CDH20: variants seen among roughly 807,000 people sequenced by gnomAD.
CDH20 encodes cadherin 20.
CDH20 carries 29 observed loss-of-function variants against 74.2 expected under a neutral mutation model. That is an observed-to-expected ratio of 0.39 (90% CI 0.29 to 0.53). The LOEUF (loss-of-function observed/expected upper bound fraction) is 0.53, where lower values mean the gene tolerates loss of function less well. Ranked by LOEUF, CDH20 falls within the 20% of genes least tolerant of loss-of-function variation. The pLI is 0.69. For synonymous variants in CDH20, 469 were observed against 405.4 expected (o/e 1.16, Z -1.88); for missense variants, 988 against 1,048.3 (o/e 0.94, Z 0.79).
chr18:61,441,604 T>C (rs535923467), intron 1 of CDH20, among the ~76,000 whole-genome samples: 1 of 152,328 alleles, frequency 6.6e-6, no homozygotes, highest in African/African-American at 2.4e-5. Flanking sequence ...GTTTTGTGCC[T>C]GTAAAATAGT....
intron 1 of CDH20, among the ~76,000 whole-genome samples, chr18:61,475,383 A>C (rs146515024): frequency 9.8e-4 from 149 of 152,336 alleles, no homozygotes; most frequent in African/African-American, 3.5e-3. Context: ...GAGCAAAGGA[A>C]GCTCTAAATA....
At chr18:61,464,689 T>C (rs72991902) in intron 1 of CDH20, among the ~76,000 whole-genome samples, 2 of 152,258 alleles carry the variant, frequency 1.3e-5, no homozygotes, top group Non-Finnish European at 2.9e-5. Context: ...GAAGTGAATG[T>C]GGGCTGTGAC....
At chr18:61,400,420 C>T (rs1276274554) in intron 1 of CDH20, among the ~76,000 whole-genome samples, 5 of 152,092 alleles carry the variant, frequency 3.3e-5, no homozygotes, top group Non-Finnish European at 1.5e-5. Context: ...AGTTAACTTG[C>T]GAAAGACCTA....
chr18:61,502,669 G>A (rs1004238321), intron 4 of CDH20, among the ~76,000 whole-genome samples: 2 of 152,148 alleles, frequency 1.3e-5, no homozygotes, highest in African/African-American at 4.8e-5. Context: ...TCCCAGATCT[G>A]TAAGAGAAAC....
chr18:61,538,001 G>C (rs932764068), intron 8 of CDH20, among the ~76,000 whole-genome samples: 1 of 152,188 alleles, frequency 6.6e-6, no homozygotes, highest in African/African-American at 2.4e-5. Context: ...CACTACCAGA[G>C]CTGTGAAACT....
intron 1 of CDH20, among the ~76,000 whole-genome samples, chr18:61,394,677 T>C (rs1911904435): frequency 6.6e-6 from 1 of 152,082 alleles, no homozygotes; most frequent in African/African-American, 2.4e-5. Context: ...TTACTGCAGC[T>C]CTAGGAAGGA....
At chr18:61,354,395 G>A (rs532066404) in intron 1 of CDH20, among the ~76,000 whole-genome samples, 1 of 152,180 alleles carries the variant, frequency 6.6e-6, no homozygotes, top group South Asian at 2.1e-4. Flanking sequence ...ATCACCTGAG[G>A]TCGGACATTT....
intron 1 of CDH20, among the ~76,000 whole-genome samples, chr18:61,428,352 G>A (rs1251689060): frequency 2.6e-5 from 4 of 152,242 alleles, no homozygotes; most frequent in Middle Eastern, 3.4e-3. Flanking sequence ...GGCCCCAGAT[G>A]TCTCATGTGT....
intron 1 of CDH20, among the ~76,000 whole-genome samples, chr18:61,347,351 CATAT>C (rs200656806): frequency 1.8e-5 from 2 of 109,644 alleles, no homozygotes; most frequent in African/African-American, 7.1e-5. Context: ...CACACACACA[CATAT>C]ATATATACAC....
At chr18:61,335,090 C>A (rs573925850) in intron 1 of CDH20, among the ~76,000 whole-genome samples, 1 of 152,224 alleles carries the variant, frequency 6.6e-6, no homozygotes, top group South Asian at 2.1e-4. Context: ...TTTGAACCCA[C>A]GCTTATAGAT....
chr18:61,342,352 T>C (rs1254362915), intron 1 of CDH20, among the ~76,000 whole-genome samples: 5 of 152,184 alleles, frequency 3.3e-5, no homozygotes, highest in Non-Finnish European at 7.3e-5. Context: ...AATTCAGTAT[T>C]GTTACCATCT....
intron 2 of CDH20, among the ~76,000 whole-genome samples, chr18:61,493,541 C>T (rs757545177): frequency 6.6e-6 from 1 of 152,198 alleles, no homozygotes; most frequent in South Asian, 2.1e-4. Flanking sequence ...CCCAATCAAG[C>T]TGGACCTCCT....
chr18:61,527,398 G>GATAGATAGATAGATAGAT (rs1912463214), intron 6 of CDH20, among the ~76,000 whole-genome samples: 2 of 147,650 alleles, frequency 1.4e-5, no homozygotes, highest in African/African-American at 5.1e-5. Flanking sequence ...TAGATAGATA[G>GATAGATAGATAGATAGAT]ATAGATAGAT....
At chr18:61,418,806 T>C (rs117715761) in intron 1 of CDH20, among the ~76,000 whole-genome samples, 5,713 of 152,232 alleles carry the variant, frequency 0.038, 156 homozygotes, top group South Asian at 0.074. Context: ...GACTCACCCT[T>C]AGTCCTACTT....
intron 1 of CDH20, among the ~76,000 whole-genome samples, chr18:61,335,431 G>A (rs575276811): frequency 6.6e-6 from 1 of 152,302 alleles, no homozygotes; most frequent in East Asian, 1.9e-4. Flanking sequence ...GAGTTAAGCT[G>A]AGTGCAGGAG....
intron 9 of CDH20, among the ~76,000 whole-genome samples, chr18:61,540,960 T>A (rs1913014159): frequency 6.6e-6 from 1 of 152,202 alleles, no homozygotes. Context: ...TCTATAGCCC[T>A]CCTAAAAGAT....
intron 1 of CDH20, among the ~76,000 whole-genome samples, chr18:61,468,957 A>C (rs958058069): frequency 3.9e-5 from 6 of 152,280 alleles, no homozygotes; most frequent in Admixed American, 6.5e-5. Context: ...CACAAATCTC[A>C]ACAAATCCCT....
intron 1 of CDH20, among the ~76,000 whole-genome samples, chr18:61,417,565 C>T (rs1014131190): frequency 1.9e-4 from 16 of 86,404 alleles, no homozygotes; most frequent in Admixed American, 3.3e-4. Context: ...TGTTCTTACT[C>T]AGATGTGGGA....
In CDH20 at chr18:61,554,183, C is replaced by T. The variant is rs1913536315; in HGVS notation, c.1901-7C>T. ...GGTAAACACACTCTCCTTTTTGTTCCTGGCAGTGCTGGTGTTGCTCATTTT... is the reference window on the plus strand; with the variant it reads ...GGTAAACACACTCTCCTTTTTGTTCTTGGCAGTGCTGGTGTTGCTCATTTT... On this transcript the variant is annotated splice_polypyrimidine_tract_variant and splice_region_variant and intron_variant, in intron 11 of 11. Transcript: ENST00000262717. 6.2e-7 allele frequency: 1 copy of T among 1,601,964 alleles called. No homozygotes were observed. The highest frequency in any genetic ancestry group is 1.7e-5 in the Admixed American group (1 of 58,912).
Sources: allele counts gnomAD v4.1 joint callset (sites outside exome capture counted in the v4.1 genomes callset), GRCh38; gene constraint gnomAD v4.1.1; transcripts MANE v1.5; gene names NCBI Gene and HGNC (gene_info 2026-07-23, HGNC 2026-07-21).